The following LHCGR variants were observed in gnomAD, a reference collection of about 807,000 sequenced individuals.
LHCGR encodes lutropin-choriogonadotropic hormone receptor.
Under a neutral mutation model 60.7 loss-of-function variants are expected in LHCGR, and 55 were observed. The observed-to-expected ratio is 0.91, with a 90% CI of 0.73 to 1.13. LHCGR has a LOEUF of 1.13. LHCGR is among the 50% of genes most tolerant of loss of function. LHCGR has a pLI of 0.00. For missense variants in LHCGR, 862 were observed against 836.0 expected (o/e 1.03, Z -0.38); for synonymous variants, 337 against 316.5 (o/e 1.06, Z -0.69).
chr2:48,695,709 G>T (rs756657857), intron 9 of LHCGR, among the ~76,000 whole-genome samples: 21 of 152,130 alleles, frequency 1.4e-4, no homozygotes, highest in Admixed American at 2.6e-4. Flanking sequence ...ATTCTATGCA[G>T]CCATAAAAAA....
intron 1 of LHCGR, among the ~76,000 whole-genome samples, chr2:48,742,435 C>CTTGGAA (rs1558892444): frequency 6.7e-6 from 1 of 150,182 alleles, no homozygotes; most frequent in African/African-American, 2.4e-5. Flanking sequence ...TGACCACATA[C>CTTGGAA]TTGGAAGTAA....
chr2:48,711,406 G>C (rs1308626573), intron 7 of LHCGR, among the ~76,000 whole-genome samples: 2 of 152,198 alleles, frequency 1.3e-5, no homozygotes, highest in African/African-American at 4.8e-5. Context: ...ACGGTGCTTA[G>C]TATATCAGTG....
chr2:48,734,413 A>G (rs1397437063), intron 1 of LHCGR, among the ~76,000 whole-genome samples: 2 of 152,230 alleles, frequency 1.3e-5, no homozygotes, highest in Non-Finnish European at 2.9e-5. Context: ...AACTAAAAAC[A>G]GAGAGGGACT....
chr2:48,698,991 G>T (rs545831871), intron 8 of LHCGR, among the ~76,000 whole-genome samples, 191 bp from the exon 9 acceptor site: 1 of 151,964 alleles, frequency 6.6e-6, no homozygotes, highest in East Asian at 1.9e-4. Context: ...ACAGGCGCCC[G>T]CTACCACGCC....
chr2:48,732,736 C>T (rs191251070), intron 1 of LHCGR, among the ~76,000 whole-genome samples: 1 of 152,162 alleles, frequency 6.6e-6, no homozygotes, highest in African/African-American at 2.4e-5. Context: ...CACATTCGCT[C>T]TATTTCTTCT....
chr2:48,697,319 T>C (rs1194807365), intron 9 of LHCGR, among the ~76,000 whole-genome samples: 4 of 152,226 alleles, frequency 2.6e-5, no homozygotes, highest in South Asian at 2.1e-4. Context: ...TCTTGTTCAG[T>C]GCTCCCAGAA....
At position 48,687,828 on chromosome 2, in the gene LHCGR, A is replaced by C. The variant is rs1482062965; in HGVS notation, c.1969T>G (p.Ser657Ala). The change falls in exon 11 of 11, where the codon TCA becomes GCA. Residue 657 changes from serine (S) to alanine (A), a missense_variant. Transcript: ENST00000294954. ...TTTTTGCAGTTGGAGGTGTAAGCTG[A>C]AAAATCTTTCCTTCTATAAAGTTCA... ...RAELYRRKDF[S>A]AYTSNCKNGF... The C allele has an allele frequency of 9.9e-6, 16 of 1,614,174 alleles. No homozygotes were observed. The highest frequency in any genetic ancestry group is 1.4e-5 in the Non-Finnish European group (16 of 1,180,034).
At position 48,687,853 on chromosome 2, in the gene LHCGR, A is replaced by G; in HGVS notation, c.1944T>C (p.Ala648=). Residue 648 remains alanine (A), a synonymous_variant, in exon 11 of 11, where the codon GCT becomes GCC. Transcript: ENST00000294954. ...LSKFGCCKRR[A]ELYRRKDFSA... is the part of the protein sequence containing the mutation. ...AAAAATCTTTCCTTCTATAAAGTTCAGCCCGACGTTTACAGCAGCCAAATT... is the reference window on the plus strand; with the variant it reads ...AAAAATCTTTCCTTCTATAAAGTTCGGCCCGACGTTTACAGCAGCCAAATT... The G allele has an allele frequency of 6.2e-7, 1 of 1,614,210 alleles. No homozygotes were observed. Among genetic ancestry groups the G allele is most frequent in the Non-Finnish European group, 8.5e-7 (1 of 1,180,044 alleles).
intron 1 of LHCGR, among the ~76,000 whole-genome samples, chr2:48,752,089 C>T (rs890306889): frequency 6.6e-6 from 1 of 151,976 alleles, no homozygotes; most frequent in Non-Finnish European, 1.5e-5. Flanking sequence ...TTCATTTTTT[C>T]CCCAATTAAA....
chr2:48,702,010 T>G (rs978319249), intron 8 of LHCGR, among the ~76,000 whole-genome samples: 12 of 152,326 alleles, frequency 7.9e-5, no homozygotes, highest in Admixed American at 7.2e-4. Context: ...CGGTGCCTGG[T>G]ACACAGGATA....
intron 1 of LHCGR, among the ~76,000 whole-genome samples, chr2:48,746,525 C>A (rs1006761108): frequency 3.3e-5 from 5 of 152,212 alleles, no homozygotes; most frequent in African/African-American, 1.2e-4. Flanking sequence ...TTGAAACTTT[C>A]CCATTGGAAA....
Position 48,732,824 on chromosome 2 carries a change from A to G in LHCGR, c.162-1526T>C, listed in dbSNP as rs142402432. On this transcript the variant is annotated intron_variant, in intron 1 of 10. Coordinates refer to ENST00000294954, the MANE Select transcript of LHCGR (RefSeq NM_000233.4). ...CATTTCAGAAAAATATTTTCACTCAATAATCTCTTAGAAATGATATAACCT... is the reference window on the plus strand; with the variant it reads ...CATTTCAGAAAAATATTTTCACTCAGTAATCTCTTAGAAATGATATAACCT... The G allele has an allele frequency of 3.3e-4, 173 of 531,728 alleles. No homozygotes were observed. The East Asian group carries it at 7.5e-3, about 23-fold the overall frequency. 32.9% of individuals were successfully genotyped at this position (531,728 alleles called of 1,614,324 possible). A position where few individuals can be genotyped will look rare whatever the true frequency, so the allele number is the denominator to read the frequency against.
chr2:48,727,674 C>T (rs949268517), intron 3 of LHCGR, among the ~76,000 whole-genome samples: 2 of 152,346 alleles, frequency 1.3e-5, no homozygotes, highest in Admixed American at 6.5e-5. Flanking sequence ...GATTCTGCTT[C>T]TCAGCTAAGT....
At chr2:48,708,544 C>T (rs2104418167) in intron 8 of LHCGR, among the ~76,000 whole-genome samples, 1 of 15,630 alleles carries the variant, frequency 6.4e-5, no homozygotes, top group East Asian at 2.3e-3. Context: ...TTGGAGATAC[C>T]CACCCACACA....
rs1413114484 is a variant in LHCGR, at chr2:48,723,446, G to A, written c.536+10C>T. On this transcript the variant is annotated intron_variant, in intron 6 of 10. Transcript: ENST00000294954. ...TGTATGGCAGAACACAAATCTGGGAGTTTACTCACAGTGTTACAGATTCAT... is the reference window on the plus strand; with the variant it reads ...TGTATGGCAGAACACAAATCTGGGAATTTACTCACAGTGTTACAGATTCAT... The A allele has an allele frequency of 1.3e-6, 2 of 1,587,984 alleles. No individual in the cohort carries two copies. Among genetic ancestry groups the A allele is most frequent in the Admixed American group, 3.3e-5 (2 of 59,952 alleles).
At chr2:48,735,746 A>G (rs918877062) in intron 1 of LHCGR, among the ~76,000 whole-genome samples, 3 of 152,154 alleles carry the variant, frequency 2.0e-5, no homozygotes, top group African/African-American at 7.2e-5. Context: ...CAATTTCGCC[A>G]ACTGCTAGGA....
intron 8 of LHCGR, among the ~76,000 whole-genome samples, chr2:48,704,658 T>C (rs1161799660): frequency 6.6e-6 from 1 of 152,232 alleles, no homozygotes; most frequent in Non-Finnish European, 1.5e-5. Flanking sequence ...TTCTTCTAGA[T>C]TTTCTAGTTT....
At chr2:48,733,368 C>T (rs1572877746) in intron 1 of LHCGR, among the ~76,000 whole-genome samples, 1 of 152,036 alleles carries the variant, frequency 6.6e-6, no homozygotes. Context: ...GGGAGGTTGC[C>T]TGAGCTTTTG....
chr2:48,716,995 T>A (rs1476562403), intron 6 of LHCGR, among the ~76,000 whole-genome samples: 1 of 152,192 alleles, frequency 6.6e-6, no homozygotes, highest in Non-Finnish European at 1.5e-5. Flanking sequence ...TATGCCAGTT[T>A]GAGAACCTTT....
Sources: allele counts gnomAD v4.1 joint callset (sites outside exome capture counted in the v4.1 genomes callset), GRCh38; gene constraint gnomAD v4.1.1; transcripts MANE v1.5; gene names NCBI Gene and HGNC (gene_info 2026-07-23, HGNC 2026-07-21).